The following AGR3 variants were observed in gnomAD, a reference collection of about 807,000 sequenced individuals.
AGR3 encodes anterior gradient 3, protein disulphide isomerase family member.
AGR3 carries 37 observed loss-of-function variants against 24.5 expected under a neutral mutation model. The ratio of observed to expected loss-of-function variants is 1.51; its 90% CI spans 1.16 to 1.99. The LOEUF (loss-of-function observed/expected upper bound fraction) is 1.99. AGR3 is among the 30% of genes most tolerant of loss of function. The pLI, the probability that AGR3 is intolerant of heterozygous loss-of-function variation, is 0.00. For synonymous variants in AGR3, 75 were observed against 61.6 expected (o/e 1.22, Z -1.02); for missense variants, 228 against 191.1 (o/e 1.19, Z -1.14).
intron 1 of AGR3, 77 bp from the exon 2 acceptor site, chr7:16,878,722 G>T: frequency 1.8e-6 from 2 of 1,099,200 alleles, no homozygotes; most frequent in Non-Finnish European, 2.7e-6. Flanking sequence ...CTAAGAGTTG[G>T]ACCAATACTG....
chr7:16,881,374 AT>A (rs1210069344), intron 1 of AGR3, among the ~76,000 whole-genome samples: 3 of 152,342 alleles, frequency 2.0e-5, no homozygotes, highest in African/African-American at 7.2e-5. Flanking sequence ...TACACTGTAG[AT>A]TTTGAATAAA....
In AGR3 at chr7:16,868,439, G is replaced by T. The variant is rs191914364; in HGVS notation, c.173+5341C>A. ...CAAAGTGCTGGGATTACAGGTATGA[G>T]CCACGGCGCCCAGCCTGTATGTCTT... On this transcript the variant is annotated intron_variant, in intron 3 of 7. Coordinates refer to ENST00000310398, the MANE Select transcript of AGR3 (RefSeq NM_176813.5). 2.7e-3 allele frequency among the ~76,000 whole-genome samples: 414 copies of T among 152,298 alleles called. 2 individuals carry two copies. The highest frequency in any genetic ancestry group is 9.2e-3 in the African/African-American group (381 of 41,566).
chr7:16,866,687 AT>A (rs1336753056), intron 3 of AGR3, among the ~76,000 whole-genome samples: 1 of 152,154 alleles, frequency 6.6e-6, no homozygotes, highest in Non-Finnish European at 1.5e-5. Flanking sequence ...TGTCTTTCTT[AT>A]AAAAAATAGT....
In AGR3 at chr7:16,862,043, C is replaced by T. The variant is rs1300906278; in HGVS notation, c.244G>A (p.Ala82Thr). ...ATTTCTTGTATTTCTTCATTTTGGGCAAATACTTTCTTTAGTGCTATAGGG... is the reference window on the plus strand; with the variant it reads ...ATTTCTTGTATTTCTTCATTTTGGGTAAATACTTTCTTTAGTGCTATAGGG... ...QYSQALKKVF[A>T]QNEEIQEMAQ... is the part of the protein sequence containing the mutation. The change falls in exon 5 of 8, where the codon GCC (alanine) becomes ACC (threonine). Residue 82 changes from alanine to threonine, a missense_variant. Transcript: ENST00000310398. The T allele has an allele frequency of 1.2e-6, 2 of 1,613,220 alleles. No homozygotes were observed. Among genetic ancestry groups the T allele is most frequent in the Admixed American group, 1.7e-5 (1 of 59,964 alleles).
At chr7:16,861,894 C>T (rs1237506929) in intron 5 of AGR3, 90 bp downstream of exon 5, 71 of 1,113,382 alleles carry the variant, frequency 6.4e-5, no homozygotes, top group Non-Finnish European at 8.7e-5. Context: ...GAGCGAGACT[C>T]TGTCTAAAAA....
chr7:16,880,081 C>T (rs939706512), intron 1 of AGR3, among the ~76,000 whole-genome samples: 1 of 142,172 alleles, frequency 7.0e-6, no homozygotes. Flanking sequence ...CCCCTTCCTT[C>T]TTTCCCCTTC....
At chr7:16,857,822 CT>C (rs1431219972), downstream of AGR3, among the ~76,000 whole-genome samples, 1 of 151,944 alleles carries the variant, frequency 6.6e-6, no homozygotes, top group Non-Finnish European at 1.5e-5. Flanking sequence ...CAAAGGAAAC[CT>C]TTTTTTCTCT....
intron 3 of AGR3, chr7:16,864,970 T>C: frequency 1.0e-6 from 1 of 982,488 alleles, no homozygotes; most frequent in Non-Finnish European, 1.7e-6. Context: ...ATTAAATAAG[T>C]CTCCTGGCAT....
chr7:16,866,255 C>A, intron 3 of AGR3: 1 of 529,418 alleles, frequency 1.9e-6, no homozygotes, highest in South Asian at 1.5e-5. Context: ...ATGGGTCAAT[C>A]CAGTCTGTTA....
chr7:16,864,143 G>T, intron 3 of AGR3: 1 of 556,976 alleles, frequency 1.8e-6, no homozygotes, highest in Middle Eastern at 5.2e-4. Context: ...AAGACTACAG[G>T]AACGGAGAAT....
At chr7:16,877,862 C>CAG (rs1554282178) in intron 2 of AGR3, among the ~76,000 whole-genome samples, 1 of 126,376 alleles carries the variant, frequency 7.9e-6, no homozygotes, top group Non-Finnish European at 1.7e-5. Context: ...GACTCCGTCT[C>CAG]AAAAAAAAAA....
intron 2 of AGR3, among the ~76,000 whole-genome samples, chr7:16,877,454 G>C (rs1025887494): frequency 1.3e-4 from 19 of 151,434 alleles, no homozygotes; most frequent in Non-Finnish European, 1.9e-4. Context: ...TAATATGAAT[G>C]GAGCAAACAA....
chr7:16,856,747 A>C (rs1781559473), downstream of AGR3, among the ~76,000 whole-genome samples: 1 of 152,042 alleles, frequency 6.6e-6, no homozygotes, highest in African/African-American at 2.4e-5. Context: ...TTAGGGAAGG[A>C]ATAATTTCTT....
chr7:16,873,927 C>T (rs1781934908), intron 2 of AGR3, 84 bp from the exon 3 acceptor site: 1 of 1,061,592 alleles, frequency 9.4e-7, no homozygotes, highest in Non-Finnish European at 1.4e-6. Flanking sequence ...AGATATCTAC[C>T]TACAGATATT....
chr7:16,859,713 T>C, intron 7 of AGR3, 82 bp from the exon 8 acceptor site: 7 of 897,706 alleles, frequency 7.8e-6, no homozygotes, highest in Non-Finnish European at 1.2e-5. Flanking sequence ...GAACCTGAAA[T>C]TGGCCCATTT....
intron 5 of AGR3, 81 bp downstream of exon 5, chr7:16,861,899 TAAAA>T (rs56817783): frequency 1.3e-3 from 1,103 of 861,352 alleles, no homozygotes; most frequent in Middle Eastern, 1.8e-3. Flanking sequence ...AGACTCTGTC[TAAAA>T]AAAAAAAAAA....
chr7:16,873,641 G>A lies in AGR3; in HGVS notation c.173+139C>T. On this transcript the variant is annotated intron_variant, in intron 3 of 7. Transcript: ENST00000310398. ...AAAGAAATGATATGTTTCAGGTGAT[G>A]CATATGCTAATTACACTGATTTGAT... 5 of 647,120 alleles carry A rather than the reference G, an allele frequency of 7.7e-6. No individual in the cohort carries two copies. The South Asian group carries it at 9.9e-5, about 13-fold the overall frequency. The allele number at this position is 647,120 out of a possible 1,614,324, so 40.1% of individuals were successfully genotyped here.
At chr7:16,865,465 TAGAA>T (rs1781739805) in intron 3 of AGR3, 1 of 764,040 alleles carries the variant, frequency 1.3e-6, no homozygotes, top group South Asian at 1.5e-5. Flanking sequence ...ATATTTGAGG[TAGAA>T]TGCTCTTCCC....
Position 16,860,315 on chromosome 7 carries a change from TTAAAA to T in AGR3, c.451+180_451+184del. ...TCCTAAAATCCCTTAGACATCCCTG[TTAAAA>T]TAGATTCTGAGGTACCCCCAAAATT... On this transcript the variant is annotated intron_variant, in intron 7 of 7. Transcript: ENST00000310398. 3 of 549,796 alleles carry T rather than the reference TTAAAA, an allele frequency of 5.5e-6. No individual in the cohort carries two copies. In the Admixed American group the frequency reaches 9.7e-5, roughly 18 times the overall value. The allele number at this position is 549,796 out of a possible 1,614,324, so 34.1% of individuals were successfully genotyped here. A position where few individuals can be genotyped will look rare whatever the true frequency, so the allele number is the denominator to read the frequency against.
Sources: allele counts gnomAD v4.1 joint callset (sites outside exome capture counted in the v4.1 genomes callset), GRCh38; gene constraint gnomAD v4.1.1; transcripts MANE v1.5; gene names NCBI Gene and HGNC (gene_info 2026-07-23, HGNC 2026-07-21).